The following SGPP2 variants were observed in gnomAD, a reference collection of about 807,000 sequenced individuals.
SGPP2 encodes sphingosine-1-phosphate phosphatase 2, also known as sphingosine 1-phosphate phosphohydrolase 2.
In SGPP2, 30 loss-of-function variants were observed where a neutral mutation model predicts 33.9. The ratio of observed to expected loss-of-function variants is 0.89; its 90% CI spans 0.66 to 1.20. SGPP2 has a LOEUF of 1.20. Among genes scored for constraint, SGPP2 ranks in the 50% most tolerant of loss-of-function variants. SGPP2 has a pLI of 0.00. For missense variants in SGPP2, 458 were observed against 532.1 expected (o/e 0.86, Z 1.37); for synonymous variants, 233 against 225.0 (o/e 1.04, Z -0.32).
At chr2:222,508,704 G>A (rs1488050308) in intron 2 of SGPP2, among the ~76,000 whole-genome samples, 1 of 152,138 alleles carries the variant, frequency 6.6e-6, no homozygotes, top group Admixed American at 6.6e-5. Flanking sequence ...TGGAAAGAAT[G>A]AGAAAATGTT....
chr2:222,448,473 C>A (rs1313570259), intron 1 of SGPP2, among the ~76,000 whole-genome samples: 1 of 152,206 alleles, frequency 6.6e-6, no homozygotes, highest in Non-Finnish European at 1.5e-5. Flanking sequence ...GGTGCATAAA[C>A]ATGGGCAAGT....
intron 3 of SGPP2, 146 bp from the exon 4 acceptor site, chr2:222,524,798 T>G: frequency 3.1e-6 from 2 of 642,578 alleles, no homozygotes; most frequent in South Asian, 4.1e-5. Context: ...AAAAAAAAGT[T>G]TTAAGTTAAT....
In SGPP2 at chr2:222,458,063, T is replaced by G. The variant is rs537571311; in HGVS notation, c.220-16505T>G. 1.6e-4 allele frequency among the ~76,000 whole-genome samples: 24 copies of G among 152,210 alleles called. 1 individual carries two copies. The highest frequency in any genetic ancestry group is 8.3e-4 in the South Asian group (4 of 4,810). On this transcript the variant is annotated intron_variant, in intron 1 of 4. Transcript: ENST00000321276. ...TGTGTTTTTTGTTTTGTTTTTGTTT[T>G]TGTTTGTGATGGGGTCTTGCTGTGT... is the stretch of plus-strand genomic sequence containing the variant.
intron 1 of SGPP2, among the ~76,000 whole-genome samples, chr2:222,448,565 T>C (rs890687144): frequency 2.0e-5 from 3 of 152,222 alleles, no homozygotes; most frequent in African/African-American, 7.2e-5. Context: ...AGACAGATAA[T>C]GGGAGCACAG....
intron 4 of SGPP2, among the ~76,000 whole-genome samples, chr2:222,544,833 G>A (rs993557785): frequency 3.3e-5 from 5 of 152,080 alleles, no homozygotes; most frequent in Admixed American, 6.6e-5. Context: ...GTACAGTGTG[G>A]TGCCAGTGTT....
intron 4 of SGPP2, 93 bp downstream of exon 4, chr2:222,525,126 T>C: frequency 1.2e-6 from 1 of 819,690 alleles, no homozygotes; most frequent in Non-Finnish European, 1.9e-6. Context: ...TTTATAAAAT[T>C]ATTTGCATAT....
intron 2 of SGPP2, among the ~76,000 whole-genome samples, chr2:222,496,633 C>T (rs919029062): frequency 1.3e-5 from 2 of 152,178 alleles, no homozygotes; most frequent in African/African-American, 4.8e-5. Context: ...CCTCAATCTC[C>T]ACCTCTAGCC....
At chr2:222,489,290 T>G (rs1181927464) in intron 2 of SGPP2, among the ~76,000 whole-genome samples, 1 of 152,198 alleles carries the variant, frequency 6.6e-6, no homozygotes, top group African/African-American at 2.4e-5. Flanking sequence ...TTTCAATGTT[T>G]GTCTACATAA....
chr2:222,480,638 G>A (rs895359159), intron 2 of SGPP2, among the ~76,000 whole-genome samples: 4 of 152,192 alleles, frequency 2.6e-5, no homozygotes, highest in Non-Finnish European at 5.9e-5. Flanking sequence ...AATTGATAGT[G>A]TATTGTCAAG....
At chr2:222,527,909 G>C (rs188528046) in intron 4 of SGPP2, among the ~76,000 whole-genome samples, 2 of 152,264 alleles carry the variant, frequency 1.3e-5, no homozygotes, top group East Asian at 3.9e-4. Flanking sequence ...CCCTGGACTT[G>C]GAATGAGATC....
Position 222,524,938 on chromosome 2 carries a change from C to T in SGPP2, c.559-6C>T. On this transcript the variant is annotated splice_region_variant and splice_polypyrimidine_tract_variant and intron_variant, in intron 3 of 4. Transcript: ENST00000321276. ...AATTCCCTTGTTTTTTCTCCTTCCCCCACAGTATCCATTTGTGTTGGGACT... is the reference window on the plus strand; with the variant it reads ...AATTCCCTTGTTTTTTCTCCTTCCCTCACAGTATCCATTTGTGTTGGGACT... 6.2e-7 allele frequency: 1 copy of T among 1,612,536 alleles called. No homozygotes were observed. Among genetic ancestry groups the T allele is most frequent in the Non-Finnish European group, 8.5e-7 (1 of 1,179,038 alleles).
intron 2 of SGPP2, among the ~76,000 whole-genome samples, chr2:222,511,155 C>A (rs920161522): frequency 6.6e-6 from 1 of 152,226 alleles, no homozygotes; most frequent in African/African-American, 2.4e-5. Context: ...TTTTCTCTGC[C>A]GTCCCCATAT....
At chr2:222,541,723 C>T (rs778860476) in intron 4 of SGPP2, among the ~76,000 whole-genome samples, 2 of 152,000 alleles carry the variant, frequency 1.3e-5, no homozygotes, top group African/African-American at 2.4e-5. Context: ...AAGTGATTCT[C>T]GTGCCTCAGC....
chr2:222,438,130 C>T (rs1697272155), intron 1 of SGPP2, among the ~76,000 whole-genome samples: 1 of 152,148 alleles, frequency 6.6e-6, no homozygotes, highest in Admixed American at 6.5e-5. Context: ...CCAAATAGGC[C>T]CATTAGGCAT....
intron 1 of SGPP2, among the ~76,000 whole-genome samples, chr2:222,472,718 C>A (rs560593238): frequency 1.7e-3 from 256 of 152,334 alleles, no homozygotes; most frequent in Non-Finnish European, 2.6e-3. Flanking sequence ...CAACAGGGAG[C>A]AGACCAGTTT....
At chr2:222,507,248 C>T (rs1298569276) in intron 2 of SGPP2, among the ~76,000 whole-genome samples, 3 of 152,052 alleles carry the variant, frequency 2.0e-5, no homozygotes, top group African/African-American at 4.8e-5. Flanking sequence ...AGTCCTGGTG[C>T]AGGTTTTACT....
intron 1 of SGPP2, among the ~76,000 whole-genome samples, chr2:222,459,882 A>G (rs531544172): frequency 1.3e-5 from 2 of 152,318 alleles, no homozygotes; most frequent in Admixed American, 1.3e-4. Flanking sequence ...TGTTCCTCTG[A>G]CCATCGCTGA....
chr2:222,546,121 G>C (rs1689190600), intron 4 of SGPP2, among the ~76,000 whole-genome samples: 1 of 152,184 alleles, frequency 6.6e-6, no homozygotes, highest in South Asian at 2.1e-4. Flanking sequence ...AAATAAACAT[G>C]TCATGTATCA....
chr2:222,435,460 A>C (rs541090862), intron 1 of SGPP2, among the ~76,000 whole-genome samples: 197 of 152,216 alleles, frequency 1.3e-3, no homozygotes, highest in African/African-American at 4.5e-3. Context: ...TCAAGTTGAC[A>C]CTCAGTATTA....
Sources: gnomAD v4.1 joint callset for allele counts (sites outside exome capture counted in the v4.1 genomes callset) on GRCh38, gnomAD v4.1.1 for gene constraint, MANE v1.5 for transcripts, NCBI Gene and HGNC (gene_info 2026-07-23, HGNC 2026-07-21) for gene names.